Variants in MACROD2 observed in about 807,000 individuals in gnomAD.
MACROD2 encodes ADP-ribose glycohydrolase MACROD2.
In MACROD2, 36 loss-of-function variants were observed where a neutral mutation model predicts 70.4. That is an observed-to-expected ratio of 0.51 (90% CI 0.39 to 0.68). The LOEUF is 0.68. MACROD2 is among the 30% of genes least tolerant of loss of function. The probability of loss-of-function intolerance (pLI) is 0.00; values close to 1 mark genes in which losing one functional copy is unlikely to be tolerated. For synonymous variants in MACROD2, 172 were observed against 178.8 expected (o/e 0.96, Z 0.30); for missense variants, 496 against 538.4 (o/e 0.92, Z 0.78).
chr20:14,052,849 G>A (rs1441554713), intron 2 of MACROD2, among the ~76,000 whole-genome samples: 1 of 152,076 alleles, frequency 6.6e-6, no homozygotes, highest in African/African-American at 2.4e-5. Context: ...TAAAAAGTAT[G>A]CATTAGTATG....
chr20:14,342,694 G>A (rs904317157), intron 3 of MACROD2, among the ~76,000 whole-genome samples: 10 of 152,128 alleles, frequency 6.6e-5, no homozygotes, highest in Non-Finnish European at 1.3e-4. Flanking sequence ...AAAATGCTAC[G>A]TTAAACTGTT....
intron 5 of MACROD2, among the ~76,000 whole-genome samples, chr20:15,185,701 G>A (rs184047067): frequency 4.7e-4 from 71 of 152,234 alleles, no homozygotes; most frequent in Admixed American, 1.5e-3. Flanking sequence ...ATTGTTGGAC[G>A]TATTCAATAA....
chr20:15,622,379 C>T (rs1356383617), intron 8 of MACROD2, among the ~76,000 whole-genome samples: 3 of 152,114 alleles, frequency 2.0e-5, no homozygotes, highest in African/African-American at 7.2e-5. Flanking sequence ...TTTCAGTTGC[C>T]TGAAGTCAAC....
At chr20:14,219,487 C>T (rs1281960163) in intron 3 of MACROD2, among the ~76,000 whole-genome samples, 1 of 152,096 alleles carries the variant, frequency 6.6e-6, no homozygotes, top group Non-Finnish European at 1.5e-5. Flanking sequence ...TCTTTGGTCC[C>T]TCCCCAATTA....
chr20:15,049,344 G>T (rs1568548994), intron 5 of MACROD2, among the ~76,000 whole-genome samples: 2 of 151,856 alleles, frequency 1.3e-5, no homozygotes, highest in East Asian at 3.9e-4. Context: ...AAAGAGGAGA[G>T]AGACTTGTTG....
chr20:15,472,934 G>C (rs974464939), intron 7 of MACROD2, among the ~76,000 whole-genome samples: 1 of 152,110 alleles, frequency 6.6e-6, no homozygotes, highest in African/African-American at 2.4e-5. Context: ...CTGGTCTTCT[G>C]TTCTCTGCTT....
intron 3 of MACROD2, among the ~76,000 whole-genome samples, chr20:14,111,750 C>A (rs1023692815): frequency 6.6e-6 from 1 of 151,964 alleles, no homozygotes; most frequent in African/African-American, 2.4e-5. Context: ...AACCTTTGTA[C>A]ACTGTTGATG....
intron 2 of MACROD2, among the ~76,000 whole-genome samples, chr20:14,057,727 A>G (rs1217314320): frequency 1.3e-5 from 2 of 152,330 alleles, no homozygotes; most frequent in East Asian, 3.9e-4. Context: ...GTAACATTCA[A>G]AGTAGCATTA....
intron 5 of MACROD2, among the ~76,000 whole-genome samples, chr20:15,151,508 C>T (rs977621916): frequency 9.2e-5 from 14 of 151,976 alleles, no homozygotes; most frequent in African/African-American, 2.4e-4. Flanking sequence ...GTTTGAGGGC[C>T]GGAATTTAAT....
chr20:14,917,844 G>A (rs1184500762), intron 5 of MACROD2, among the ~76,000 whole-genome samples: 1 of 152,086 alleles, frequency 6.6e-6, no homozygotes, highest in African/African-American at 2.4e-5. Context: ...CAGTGGGGGC[G>A]AAAGTCAAAT....
intron 6 of MACROD2, among the ~76,000 whole-genome samples, chr20:15,241,627 A>G (rs971067842): frequency 6.6e-6 from 1 of 152,130 alleles, no homozygotes; most frequent in Non-Finnish European, 1.5e-5. Context: ...TGGTGAATCA[A>G]TCAGGACGCT....
rs79092260 is a variant in MACROD2 at position 15,303,664 on chromosome 20, C to A, written c.540+73603C>A. Among the ~76,000 whole-genome samples the A allele has an allele frequency of 5.4e-3, 829 of 152,322 alleles. 8 individuals are homozygous for A. The highest frequency in any genetic ancestry group is 0.019 in the African/African-American group (776 of 41,556). ...CTAAAACAATAACAGAATCATGTCA[C>A]TCACTCAGAACCATTTATCAGTTTC... On this transcript the variant is annotated intron_variant, in intron 6 of 17. Transcript: ENST00000684519.
intron 6 of MACROD2, among the ~76,000 whole-genome samples, chr20:15,366,805 C>T (rs74492783): frequency 6.6e-6 from 1 of 151,404 alleles, no homozygotes; most frequent in Non-Finnish European, 1.5e-5. Context: ...AAACAATCCT[C>T]CAGCCTCCAC....
At chr20:15,363,976 A>G (rs1187101778) in intron 6 of MACROD2, among the ~76,000 whole-genome samples, 1 of 151,968 alleles carries the variant, frequency 6.6e-6, no homozygotes, top group Non-Finnish European at 1.5e-5. Flanking sequence ...TGAGCTATCC[A>G]CTCTTCCTTT....
chr20:14,871,641 AT>A (rs1423270109), intron 5 of MACROD2, among the ~76,000 whole-genome samples: 1 of 152,162 alleles, frequency 6.6e-6, no homozygotes, highest in African/African-American at 2.4e-5. Context: ...AGCTAACAAC[AT>A]AATGACAGGA....
intron 5 of MACROD2, among the ~76,000 whole-genome samples, chr20:15,079,762 G>A (rs994938295): frequency 1.3e-5 from 2 of 152,012 alleles, no homozygotes; most frequent in Non-Finnish European, 2.9e-5. Flanking sequence ...CATGACTGGG[G>A]AAAAGCTCAC....
intron 3 of MACROD2, among the ~76,000 whole-genome samples, chr20:14,317,741 T>G (rs1001952726): frequency 6.6e-6 from 1 of 152,188 alleles, no homozygotes; most frequent in East Asian, 1.9e-4. Flanking sequence ...AGTACATCAT[T>G]GTTAAGGTTG....
intron 5 of MACROD2, among the ~76,000 whole-genome samples, chr20:15,068,698 T>C (rs939806455): frequency 6.6e-6 from 1 of 152,182 alleles, no homozygotes; most frequent in Non-Finnish European, 1.5e-5. Flanking sequence ...TGAGTAGATA[T>C]GGGTGTGATG....
At chr20:14,722,593 C>T (rs1568759086) in intron 5 of MACROD2, among the ~76,000 whole-genome samples, 1 of 152,132 alleles carries the variant, frequency 6.6e-6, no homozygotes, top group African/African-American at 2.4e-5. Context: ...GGTTTTTAAA[C>T]ATAATTCTAT....
Sources: gnomAD v4.1 joint callset for allele counts (sites outside exome capture counted in the v4.1 genomes callset) on GRCh38, gnomAD v4.1.1 for gene constraint, MANE v1.5 for transcripts, NCBI Gene and HGNC (gene_info 2026-07-23, HGNC 2026-07-21) for gene names.